Variants in RARB observed in about 807,000 individuals in gnomAD.
RARB encodes the protein retinoic acid receptor beta.
A neutral mutation model predicts 51.9 loss-of-function variants in RARB; 17 were observed. That is an observed-to-expected ratio of 0.33 (90% CI 0.22 to 0.49). RARB has a LOEUF of 0.49. Ranked by LOEUF, RARB falls within the 20% of genes least tolerant of loss-of-function variation. The pLI, the probability that RARB is intolerant of heterozygous loss-of-function variation, is 0.99. For missense variants in RARB, 369 were observed against 550.8 expected (o/e 0.67, Z 3.30); for synonymous variants, 215 against 195.4 (o/e 1.10, Z -0.84).
At chr3:25,047,953 C>T (rs1028238524) in intron 2 of RARB, among the ~76,000 whole-genome samples, 9 of 152,158 alleles carry the variant, frequency 5.9e-5, no homozygotes, top group Admixed American at 2.0e-4. Flanking sequence ...ACACAGTTCT[C>T]ATGGTAGTGA....
intron 5 of RARB, among the ~76,000 whole-genome samples, chr3:25,337,809 G>A (rs1014497711): frequency 1.1e-4 from 16 of 151,824 alleles, no homozygotes; most frequent in African/African-American, 3.4e-4. Flanking sequence ...AGGAGTATAC[G>A]TTTCTTGTTT....
At chr3:25,180,621 C>T (rs1055506141) in intron 5 of RARB, among the ~76,000 whole-genome samples, 2 of 152,190 alleles carry the variant, frequency 1.3e-5, no homozygotes, top group Admixed American at 1.3e-4. Context: ...GGAAGTCCCA[C>T]AAAAGCTCTG....
intron 3 of RARB, among the ~76,000 whole-genome samples, chr3:25,075,727 C>G (rs1477544854): frequency 6.6e-6 from 1 of 151,350 alleles, no homozygotes; most frequent in Non-Finnish European, 1.5e-5. Flanking sequence ...GTTGGAGAAT[C>G]CCCTGATAAA....
rs1468655330 is a variant in RARB, at chr3:25,131,395, C to A, written c.-327-766C>A. Among the ~76,000 whole-genome samples the A allele has an allele frequency of 3.9e-5, 6 of 152,074 alleles. No homozygotes were observed. The East Asian group carries it at 1.2e-3, about 29-fold the overall frequency. On this transcript the variant is annotated intron_variant, in intron 3 of 11. Transcript: ENST00000383772. ...GAAATAATGGACTTTGGAAAATAGTCTTGGCAAAGCCTTGTTTCTTTTTAA... is the reference window on the plus strand; with the variant it reads ...GAAATAATGGACTTTGGAAAATAGTATTGGCAAAGCCTTGTTTCTTTTTAA...
At chr3:24,853,773 C>T (rs1001158242) in intron 1 of RARB, among the ~76,000 whole-genome samples, 20 of 152,162 alleles carry the variant, frequency 1.3e-4, no homozygotes, top group African/African-American at 4.6e-4. Context: ...TTATGGAGAT[C>T]AACTGCTTCA....
At chr3:25,400,198 TAGAC>T (rs1300030184) in intron 5 of RARB, among the ~76,000 whole-genome samples, 1 of 152,170 alleles carries the variant, frequency 6.6e-6, no homozygotes, top group Non-Finnish European at 1.5e-5. Context: ...CCTCTGTCCA[TAGAC>T]AGGATCCTGG....
chr3:24,964,793 A>G (rs1696217782), intron 2 of RARB, among the ~76,000 whole-genome samples: 1 of 152,152 alleles, frequency 6.6e-6, no homozygotes, highest in Admixed American at 6.5e-5. Flanking sequence ...GCTTATTGAC[A>G]TCTCCTAAAG....
At chr3:25,146,372 C>G (rs1343130840) in intron 4 of RARB, among the ~76,000 whole-genome samples, 1 of 152,032 alleles carries the variant, frequency 6.6e-6, no homozygotes, top group African/African-American at 2.4e-5. Flanking sequence ...TTTGTCATTA[C>G]AGGGTGGGAA....
In RARB at chr3:25,394,276, TCAATTTCCTTA is replaced by T. The variant is rs553104962; in HGVS notation, c.179-66914_179-66904del. Among the ~76,000 whole-genome samples, 59 of 152,264 alleles carry T rather than the reference TCAATTTCCTTA, an allele frequency of 3.9e-4. 2 individuals are homozygous for T. The South Asian group carries it at 0.012, about 30-fold the overall frequency. ...GTCTGAGAGAGTACATGTTATAATTTCAATTTCCTTACATTTGCTGAGACTAATTTTGTGAC... is the reference window on the plus strand; with the variant it reads ...GTCTGAGAGAGTACATGTTATAATTTCATTTGCTGAGACTAATTTTGTGAC... On this transcript the variant is annotated intron_variant, in intron 5 of 11. Coordinates refer to the RARB transcript ENST00000383772.
chr3:25,441,284 GA>G, intron 1 of RARB: 1 of 404,914 alleles, frequency 2.5e-6, no homozygotes, highest in Non-Finnish European at 4.8e-6. Flanking sequence ...CTGCGCTCTG[GA>G]AGCTCAGATC....
At chr3:24,949,449 GA>G in intron 2 of RARB, among the ~76,000 whole-genome samples, 1 of 152,228 alleles carries the variant, frequency 6.6e-6, no homozygotes, top group East Asian at 1.9e-4. Flanking sequence ...GGAGGAAAGG[GA>G]AATTGTTAAA....
chr3:25,591,356 G>A lies in RARB; in HGVS notation c.787-2147G>A, dbSNP rs145801186. 1.8e-4 allele frequency among the ~76,000 whole-genome samples: 28 copies of A among 152,312 alleles called. No individual in the cohort carries two copies. In the East Asian group the frequency reaches 4.4e-3, roughly 24 times the overall value. On this transcript the variant is annotated intron_variant, in intron 5 of 7. Transcript: ENST00000330688. ...ACCCCTCTACAGCAGGCAGGCCAAC[G>A]TGAATAGTTATGCAGTTATGTGCTG...
At chr3:25,539,456 A>G (rs1699277489) in intron 3 of RARB, among the ~76,000 whole-genome samples, 1 of 150,778 alleles carries the variant, frequency 6.6e-6, no homozygotes, top group South Asian at 2.1e-4. Context: ...TAACTGTTTC[A>G]GTGGTCGCTT....
At chr3:25,297,874 G>A (rs1307699503) in intron 5 of RARB, among the ~76,000 whole-genome samples, 3 of 151,994 alleles carry the variant, frequency 2.0e-5, no homozygotes, top group Non-Finnish European at 4.4e-5. Context: ...ATGACAGATG[G>A]GCTCAACTGC....
chr3:25,079,375 T>C (rs1056088598), intron 3 of RARB, among the ~76,000 whole-genome samples: 2 of 152,172 alleles, frequency 1.3e-5, no homozygotes, highest in African/African-American at 4.8e-5. Context: ...TCTTGCCTCA[T>C]TGTGCCAGAC....
At position 24,864,520 on chromosome 3, in the gene RARB, G is replaced by A. The variant is rs375267164; in HGVS notation, c.-380+5768G>A. Among the ~76,000 whole-genome samples, 5 of 151,950 alleles carry A rather than the reference G, an allele frequency of 3.3e-5. No individual in the cohort carries two copies. In the East Asian group the frequency reaches 5.8e-4, roughly 18 times the overall value. On this transcript the variant is annotated intron_variant, in intron 2 of 11. Coordinates refer to the RARB transcript ENST00000383772. The stretch of plus-strand genomic sequence containing the variant: ...TACTTCCAGCCCTGCTGTTTCCTTC[G>A]AGTTCCAGAACCAGGTGTTCAACTC...
chr3:24,873,649 A>C (rs984331916), intron 2 of RARB, among the ~76,000 whole-genome samples: 6 of 149,346 alleles, frequency 4.0e-5, no homozygotes, highest in African/African-American at 1.5e-4. Context: ...ATAAATTGTT[A>C]TTTATCAGTC....
At chr3:25,034,924 G>C (rs892240670) in intron 2 of RARB, among the ~76,000 whole-genome samples, 3 of 152,212 alleles carry the variant, frequency 2.0e-5, no homozygotes, top group Admixed American at 6.5e-5. Flanking sequence ...TTTACACAAA[G>C]TGCTCTTCTG....
intron 3 of RARB, among the ~76,000 whole-genome samples, chr3:25,100,006 T>C (rs183547826): frequency 6.6e-6 from 1 of 152,342 alleles, no homozygotes; most frequent in Admixed American, 6.5e-5. Flanking sequence ...CGTTTTCTAC[T>C]AAACAAAAGC....
Sources: allele counts gnomAD v4.1 joint callset (sites outside exome capture counted in the v4.1 genomes callset), GRCh38; gene constraint gnomAD v4.1.1; transcripts MANE v1.5; gene names NCBI Gene and HGNC (gene_info 2026-07-23, HGNC 2026-07-21).